The following HECW2 variants were observed in gnomAD, a reference collection of about 807,000 sequenced individuals.
The protein encoded by HECW2 is HECT, C2 and WW domain containing E3 ubiquitin protein ligase 2.
A neutral mutation model predicts 175.2 loss-of-function variants in HECW2; 61 were observed. The observed-to-expected ratio is 0.35, with a 90% CI of 0.28 to 0.43. The LOEUF (loss-of-function observed/expected upper bound fraction) is 0.43. Among genes scored for constraint, HECW2 ranks in the 20% least tolerant of loss-of-function variants. HECW2 has a pLI of 1.00. For synonymous variants in HECW2, 671 were observed against 731.0 expected, an observed-to-expected ratio of 0.92 and a Z score of 1.32; for missense variants, 1,524 against 2,000.5, an observed-to-expected ratio of 0.76 and a Z score of 4.54.
intron 14 of HECW2, among the ~76,000 whole-genome samples, chr2:196,286,640 C>T (rs1690401559): frequency 6.6e-6 from 1 of 152,074 alleles, no homozygotes; most frequent in Non-Finnish European, 1.5e-5. Flanking sequence ...ATATTTTTAC[C>T]TTTTAAAATA....
intron 1 of HECW2, among the ~76,000 whole-genome samples, chr2:196,589,848 T>C (rs1691121184): frequency 6.6e-6 from 1 of 152,226 alleles, no homozygotes; most frequent in Non-Finnish European, 1.5e-5. Context: ...CAGGTGTTAA[T>C]TCATATTGTG....
At chr2:196,204,818 G>A (rs1170087572) in intron 28 of HECW2, among the ~76,000 whole-genome samples, 1 of 152,154 alleles carries the variant, frequency 6.6e-6, no homozygotes, top group Non-Finnish European at 1.5e-5. Flanking sequence ...CAGGACAGGT[G>A]GTGAAACAAA....
chr2:196,278,133 A>AAAAAAAAAAAAATATATATAT (rs531920307), intron 15 of HECW2, among the ~76,000 whole-genome samples: 4 of 66,552 alleles, frequency 6.0e-5, no homozygotes, highest in African/African-American at 1.6e-4. Flanking sequence ...ATAATTAAAA[A>AAAAAAAAAAAAATATATATAT]ATATATATAT....
chr2:196,341,233 C>A (rs1376640759), intron 3 of HECW2, among the ~76,000 whole-genome samples: 1 of 149,946 alleles, frequency 6.7e-6, no homozygotes, highest in Non-Finnish European at 1.5e-5. Context: ...TCAATCTGTG[C>A]ACTCCAACAG....
At chr2:196,441,500 A>G (rs1696043476) in intron 1 of HECW2, among the ~76,000 whole-genome samples, 1 of 152,174 alleles carries the variant, frequency 6.6e-6, no homozygotes, top group African/African-American at 2.4e-5. Context: ...TTTATAGTCA[A>G]GATATAATTA....
At chr2:196,364,202 T>C (rs1216131603) in intron 2 of HECW2, among the ~76,000 whole-genome samples, 1 of 152,218 alleles carries the variant, frequency 6.6e-6, no homozygotes, top group African/African-American at 2.4e-5. Context: ...TTACCTGCGC[T>C]CTAGGTTCTG....
chr2:196,243,116 T>C (rs1688521196), intron 19 of HECW2, among the ~76,000 whole-genome samples: 2 of 152,116 alleles, frequency 1.3e-5, no homozygotes, highest in African/African-American at 2.4e-5. Flanking sequence ...CCTGTCTCAC[T>C]TGCACAAAGT....
intron 2 of HECW2, among the ~76,000 whole-genome samples, chr2:196,362,504 T>C (rs911234339): frequency 6.6e-6 from 1 of 152,282 alleles, no homozygotes; most frequent in African/African-American, 2.4e-5. Context: ...AAATCAGACA[T>C]AGCATTCATT....
chr2:196,436,678 T>C (rs947352294), intron 1 of HECW2, among the ~76,000 whole-genome samples: 2 of 151,912 alleles, frequency 1.3e-5, no homozygotes, highest in Admixed American at 6.6e-5. Flanking sequence ...CCTGCAAAAA[T>C]GTATGGAGCA....
At chr2:196,581,199 T>C (rs1690767779) in intron 1 of HECW2, among the ~76,000 whole-genome samples, 1 of 152,108 alleles carries the variant, frequency 6.6e-6, no homozygotes, top group African/African-American at 2.4e-5. Flanking sequence ...GTTCAGGAAT[T>C]AGATAGTGGT....
chr2:196,449,905 G>A (rs1365886195), intron 1 of HECW2, among the ~76,000 whole-genome samples: 1 of 152,074 alleles, frequency 6.6e-6, no homozygotes, highest in Non-Finnish European at 1.5e-5. Context: ...CAGTCATAAT[G>A]CATGGGAAAC....
chr2:196,544,637 C>A (rs1689346419), intron 1 of HECW2, among the ~76,000 whole-genome samples: 1 of 152,184 alleles, frequency 6.6e-6, no homozygotes. Context: ...AATAATGGTG[C>A]TACTTCGCAG....
intron 1 of HECW2, among the ~76,000 whole-genome samples, chr2:196,461,402 A>G (rs1217555504): frequency 6.6e-6 from 1 of 152,236 alleles, no homozygotes; most frequent in African/African-American, 2.4e-5. Context: ...AATGTCATAC[A>G]TTGCTGATCA....
At chr2:196,347,213 C>T (rs1213454812) in intron 2 of HECW2, among the ~76,000 whole-genome samples, 5 of 151,042 alleles carry the variant, frequency 3.3e-5, no homozygotes, top group Admixed American at 2.0e-4. Flanking sequence ...CCACCACGCC[C>T]AGCTAATTTT....
chr2:196,405,073 C>T (rs1334287845), intron 2 of HECW2, among the ~76,000 whole-genome samples: 7 of 151,574 alleles, frequency 4.6e-5, no homozygotes, highest in Non-Finnish European at 7.4e-5. Context: ...CCTCGTGATC[C>T]GCCCGCCTCG....
intron 1 of HECW2, among the ~76,000 whole-genome samples, chr2:196,483,805 A>G (rs1404607756): frequency 1.3e-5 from 2 of 152,232 alleles, no homozygotes; most frequent in Non-Finnish European, 2.9e-5. Context: ...GTGGAGGAAC[A>G]CTTATTAAAT....
At chr2:196,337,091 T>A (rs1443564743) in intron 3 of HECW2, among the ~76,000 whole-genome samples, 2 of 152,180 alleles carry the variant, frequency 1.3e-5, no homozygotes, top group African/African-American at 2.4e-5. Flanking sequence ...TAAATGTTAT[T>A]TAATGTTTTA....
chr2:196,308,449 T>A (rs1439700472), intron 10 of HECW2, among the ~76,000 whole-genome samples: 1 of 152,220 alleles, frequency 6.6e-6, no homozygotes, highest in Admixed American at 6.5e-5. Context: ...ATGTTTATTT[T>A]CACCAAAAAA....
At chr2:196,526,090 T>C (rs13424589) in intron 1 of HECW2, among the ~76,000 whole-genome samples, 806 of 43,838 alleles carry the variant, frequency 0.018, 26 homozygotes, top group African/African-American at 0.082. Flanking sequence ...CTTGGTTCCA[T>C]TCTCCCCATC....
Sources: allele counts gnomAD v4.1 joint callset (sites outside exome capture counted in the v4.1 genomes callset), GRCh38; gene constraint gnomAD v4.1.1; transcripts MANE v1.5; gene names NCBI Gene and HGNC (gene_info 2026-07-23, HGNC 2026-07-21).